The following IMMP2L variants were observed in gnomAD, a reference collection of about 807,000 sequenced individuals.
IMMP2L encodes mitochondrial inner membrane protease subunit 2.
In IMMP2L, 18 loss-of-function variants were observed where a neutral mutation model predicts 19.3. That is an observed-to-expected ratio of 0.93 (90% confidence interval 0.64 to 1.38). The LOEUF (loss-of-function observed/expected upper bound fraction) is 1.38, where lower values mean the gene tolerates loss of function less well. IMMP2L is among the 40% of genes most tolerant of loss of function. IMMP2L has a pLI of 0.00. For missense variants in IMMP2L, 233 were observed against 218.2 expected (o/e 1.07, Z -0.43); for synonymous variants, 76 against 73.0 (o/e 1.04, Z -0.21).
chr7:111,266,544 C>CA (rs530670317), intron 3 of IMMP2L, among the ~76,000 whole-genome samples: 9,896 of 88,538 alleles, frequency 0.11, 433 homozygotes, highest in Middle Eastern at 0.16. Context: ...CTATGTCTCC[C>CA]AAAAAAAAAA....
At chr7:111,055,048 CTTCT>C (rs1328132146) in intron 3 of IMMP2L, among the ~76,000 whole-genome samples, 1 of 150,962 alleles carries the variant, frequency 6.6e-6, no homozygotes, top group Admixed American at 6.6e-5. Context: ...ACGTTTCTTC[CTTCT>C]TTTTTTTTTT....
At chr7:111,293,649 A>T (rs1017668870) in intron 3 of IMMP2L, among the ~76,000 whole-genome samples, 1 of 151,994 alleles carries the variant, frequency 6.6e-6, no homozygotes, top group Non-Finnish European at 1.5e-5. Flanking sequence ...CATGTATTAG[A>T]TTCTATGTAA....
intron 3 of IMMP2L, among the ~76,000 whole-genome samples, chr7:111,388,718 T>A (rs1451574786): frequency 6.6e-6 from 1 of 151,560 alleles, no homozygotes; most frequent in African/African-American, 2.4e-5. Context: ...GATAAACACA[T>A]CAGATCTCGT....
intron 3 of IMMP2L, among the ~76,000 whole-genome samples, chr7:111,141,695 A>G (rs1802911578): frequency 6.6e-6 from 1 of 152,118 alleles, no homozygotes; most frequent in South Asian, 2.1e-4. Context: ...ACACGTGCTC[A>G]ATCAATCATA....
chr7:111,273,592 G>A (rs1051315920), intron 3 of IMMP2L, among the ~76,000 whole-genome samples: 3 of 152,170 alleles, frequency 2.0e-5, no homozygotes, highest in South Asian at 4.2e-4. Context: ...ATGCAGGGAG[G>A]TGCACGTGCA....
intron 3 of IMMP2L, among the ~76,000 whole-genome samples, chr7:111,278,132 A>C (rs1398023056): frequency 6.6e-6 from 1 of 152,156 alleles, no homozygotes; most frequent in East Asian, 1.9e-4. Context: ...ACAATACTCA[A>C]TATTTGGGTG....
intron 3 of IMMP2L, among the ~76,000 whole-genome samples, chr7:111,015,669 G>A (rs889884797): frequency 3.3e-5 from 5 of 152,152 alleles, no homozygotes; most frequent in Admixed American, 6.6e-5. Flanking sequence ...GCTTAGAGCT[G>A]AGGAAACTGG....
intron 3 of IMMP2L, among the ~76,000 whole-genome samples, chr7:111,192,058 C>G (rs1181683535): frequency 3.9e-5 from 6 of 152,014 alleles, no homozygotes; most frequent in Non-Finnish European, 7.4e-5. Flanking sequence ...ATGGTTGACA[C>G]CTTTACTCAT....
At chr7:111,372,901 A>G (rs1830377671) in intron 3 of IMMP2L, among the ~76,000 whole-genome samples, 1 of 152,050 alleles carries the variant, frequency 6.6e-6, no homozygotes, top group Non-Finnish European at 1.5e-5. Context: ...GCAAATACCC[A>G]TAAAGTCTAC....
chr7:110,847,750 C>G (rs1289043880), intron 5 of IMMP2L, among the ~76,000 whole-genome samples: 1 of 151,996 alleles, frequency 6.6e-6, no homozygotes, highest in African/African-American at 2.4e-5. Flanking sequence ...GAAACAGGGC[C>G]ACAGGATATA....
At chr7:110,826,658 AG>A (rs1444503611) in intron 5 of IMMP2L, among the ~76,000 whole-genome samples, 2 of 151,820 alleles carry the variant, frequency 1.3e-5, no homozygotes, top group African/African-American at 4.8e-5. Context: ...CAACACAGGA[AG>A]GGGAACATCA....
chr7:111,541,546 C>T (rs1191924413), intron 1 of IMMP2L, among the ~76,000 whole-genome samples: 1 of 152,110 alleles, frequency 6.6e-6, no homozygotes, highest in African/African-American at 2.4e-5. Context: ...TCTTAAACGG[C>T]AGCTTAGTAG....
At chr7:111,342,904 C>A (rs1177564747) in intron 3 of IMMP2L, among the ~76,000 whole-genome samples, 1 of 151,816 alleles carries the variant, frequency 6.6e-6, no homozygotes, top group Non-Finnish European at 1.5e-5. Context: ...TATGCAAAAC[C>A]CCAGCAAACT....
intron 3 of IMMP2L, among the ~76,000 whole-genome samples, chr7:111,013,950 G>C (rs909222504): frequency 2.0e-5 from 3 of 152,058 alleles, no homozygotes; most frequent in Non-Finnish European, 2.9e-5. Flanking sequence ...TCTTGACCTA[G>C]GGGTCAAGTC....
chr7:111,048,193 T>C lies in IMMP2L; in HGVS notation c.240-84628A>G, dbSNP rs552360615. Among the ~76,000 whole-genome samples, 3 of 126,774 alleles carry C rather than the reference T, an allele frequency of 2.4e-5. No individual in the cohort carries two copies. The East Asian group carries it at 6.8e-4, about 29-fold the overall frequency. 83.2% of individuals were successfully genotyped at this position (126,774 alleles called of 152,430 possible). ...AGGCAGAGCTTGCACTGAGCCGAGATTGAGCCACTGCACTCCAGCTGGGCG... is the reference window on the plus strand; with the variant it reads ...AGGCAGAGCTTGCACTGAGCCGAGACTGAGCCACTGCACTCCAGCTGGGCG... On this transcript the variant is annotated intron_variant, in intron 3 of 5. Transcript: ENST00000405709.
chr7:111,539,254 GAAA>G (rs1563331426), intron 1 of IMMP2L, among the ~76,000 whole-genome samples: 108 of 145,200 alleles, frequency 7.4e-4, no homozygotes, highest in African/African-American at 1.2e-3. Flanking sequence ...AAGAAAGAAA[GAAA>G]GAAAGAAAGA....
chr7:111,026,151 C>G (rs566885786), intron 3 of IMMP2L, among the ~76,000 whole-genome samples: 1 of 152,120 alleles, frequency 6.6e-6, no homozygotes, highest in Non-Finnish European at 1.5e-5. Context: ...AAGTCTATAA[C>G]AGTCACAACC....
intron 3 of IMMP2L, among the ~76,000 whole-genome samples, chr7:111,280,431 A>G (rs1584424257): frequency 1.3e-5 from 2 of 152,182 alleles, no homozygotes; most frequent in East Asian, 3.9e-4. Context: ...CCCTTATCAC[A>G]GTGTGAGAAT....
chr7:110,905,296 T>C (rs372056072), intron 4 of IMMP2L, among the ~76,000 whole-genome samples: 1 of 152,178 alleles, frequency 6.6e-6, no homozygotes, highest in Non-Finnish European at 1.5e-5. Context: ...AAGTCTGTGA[T>C]TGCCTTAGAG....
Sources: gnomAD v4.1 joint callset for allele counts (sites outside exome capture counted in the v4.1 genomes callset) on GRCh38, gnomAD v4.1.1 for gene constraint, MANE v1.5 for transcripts, NCBI Gene and HGNC (gene_info 2026-07-23, HGNC 2026-07-21) for gene names.